The following CACNA1E variants were observed in gnomAD, a reference collection of about 807,000 sequenced individuals.
CACNA1E encodes the protein voltage-dependent R-type calcium channel subunit alpha-1E.
In CACNA1E, 40 loss-of-function variants were observed where a neutral mutation model predicts 259.2. The ratio of observed to expected loss-of-function variants is 0.15; its 90% CI spans 0.12 to 0.20. CACNA1E has a LOEUF of 0.20. Among genes scored for constraint, CACNA1E ranks in the 10% least tolerant of loss-of-function variants. CACNA1E has a pLI of 1.00. For missense variants in CACNA1E, 1,874 were observed against 3,040.1 expected (o/e 0.62, Z 9.02); for synonymous variants, 1,104 against 1,138.5 (o/e 0.97, Z 0.61).
Position 181,771,390 on chromosome 1 carries a change from T to C in CACNA1E, c.4973+6T>C. ...TCCCTAATGCTACTCTTCAGGTACC[T>C]GGATGCGTAACTGTCATAGCTGGGG... On this transcript the variant is annotated splice_donor_region_variant and intron_variant, in intron 36 of 47. Coordinates refer to ENST00000367573, the MANE Select transcript of CACNA1E (RefSeq NM_001205293.3). 2 of 1,511,624 alleles carry C rather than the reference T, an allele frequency of 1.3e-6. No homozygotes were observed. The highest frequency in any genetic ancestry group is 2.3e-5 in the East Asian group (1 of 43,982). The allele number at this position is 1,511,624 out of a possible 1,614,324, so 93.6% of individuals were successfully genotyped here.
At chr1:181,376,160 C>G (rs1323029637) in intron 1 of CACNA1E, among the ~76,000 whole-genome samples, 2 of 152,172 alleles carry the variant, frequency 1.3e-5, no homozygotes, top group East Asian at 3.8e-4. Flanking sequence ...AGGAAGAATT[C>G]ATGGTAGAAA....
At chr1:181,755,722 A>C (rs1166888929) in intron 28 of CACNA1E, among the ~76,000 whole-genome samples, 2 of 152,224 alleles carry the variant, frequency 1.3e-5, no homozygotes, top group African/African-American at 4.8e-5. Flanking sequence ...CAAGTTGCTC[A>C]AGGTTACACA....
At chr1:181,785,069 T>G (rs1194757004) in intron 41 of CACNA1E, among the ~76,000 whole-genome samples, 1 of 152,144 alleles carries the variant, frequency 6.6e-6, no homozygotes, top group Non-Finnish European at 1.5e-5. Context: ...TGCTTACTCA[T>G]GTACTGCTTA....
chr1:181,455,737 C>A (rs1419968572), intron 2 of CACNA1E, among the ~76,000 whole-genome samples: 1 of 152,134 alleles, frequency 6.6e-6, no homozygotes, highest in Admixed American at 6.5e-5. Context: ...TTTTTTCATC[C>A]TTGACCATAA....
intron 3 of CACNA1E, among the ~76,000 whole-genome samples, chr1:181,545,125 G>A (rs927681149): frequency 1.3e-5 from 2 of 152,160 alleles, no homozygotes; most frequent in African/African-American, 4.8e-5. Context: ...TGCTATGTTG[G>A]GGGTGTACAT....
chr1:181,526,249 A>C (rs1667348839), intron 3 of CACNA1E, among the ~76,000 whole-genome samples: 1 of 152,098 alleles, frequency 6.6e-6, no homozygotes, highest in South Asian at 2.1e-4. Flanking sequence ...TAGATGAGGA[A>C]ACCAGGGCTT....
intron 28 of CACNA1E, among the ~76,000 whole-genome samples, chr1:181,755,746 G>C (rs952133474): frequency 6.6e-6 from 1 of 152,206 alleles, no homozygotes; most frequent in Non-Finnish European, 1.5e-5. Context: ...AGTAGTGAAA[G>C]GGTTAGGATT....
At chr1:181,710,588 G>A (rs1163523894) in intron 7 of CACNA1E, among the ~76,000 whole-genome samples, 1 of 152,210 alleles carries the variant, frequency 6.6e-6, no homozygotes, top group African/African-American at 2.4e-5. Context: ...GTTATCAAAA[G>A]GAGAAAGAGT....
chr1:181,348,083 A>G (rs1246457478), intron 1 of CACNA1E, among the ~76,000 whole-genome samples: 2 of 151,840 alleles, frequency 1.3e-5, no homozygotes, highest in Non-Finnish European at 2.9e-5. Context: ...GAACATCCTG[A>G]CAACAGACTC....
intron 6 of CACNA1E, among the ~76,000 whole-genome samples, chr1:181,607,560 A>T (rs1157744270): frequency 3.3e-5 from 5 of 152,196 alleles, no homozygotes; most frequent in African/African-American, 9.7e-5. Flanking sequence ...GTTCCTGGCC[A>T]TGGCTCTTAT....
intron 35 of CACNA1E, among the ~76,000 whole-genome samples, chr1:181,769,086 C>A (rs986391780): frequency 5.3e-5 from 8 of 152,150 alleles, no homozygotes; most frequent in Non-Finnish European, 7.3e-5. Context: ...GGATTGTCAG[C>A]CTCAGCTCCT....
chr1:181,356,624 GTC>G (rs1309482197), intron 1 of CACNA1E, among the ~76,000 whole-genome samples: 2 of 152,196 alleles, frequency 1.3e-5, no homozygotes, highest in East Asian at 3.9e-4. Context: ...AGAGAGCCAG[GTC>G]TGCTCTGAAG....
chr1:181,722,546 G>A (rs2102489588), intron 16 of CACNA1E, among the ~76,000 whole-genome samples: 1 of 152,282 alleles, frequency 6.6e-6, no homozygotes, highest in Admixed American at 6.5e-5. Flanking sequence ...CAGCTGTGTG[G>A]CCTTGGGAAA....
At position 181,802,753 on chromosome 1, in the gene CACNA1E, A is replaced by C. The variant is rs1662370340; in HGVS notation, c.*3919A>C. On this transcript the variant is annotated 3_prime_UTR_variant, in exon 48 of 48. Transcript: ENST00000367573. ...GCAGGAAAATGAGGTCTCCTGGCAT[A>C]ATGCAACAAAAATCTCATATAATTT... The C allele has an allele frequency of 1.3e-5, 2 of 152,208 alleles. No homozygotes were observed. The allele number at this position is 152,208 out of a possible 1,614,324, so 9.4% of individuals were successfully genotyped here.
At chr1:181,422,180 T>C (rs1658797416) in intron 2 of CACNA1E, among the ~76,000 whole-genome samples, 1 of 152,196 alleles carries the variant, frequency 6.6e-6, no homozygotes, top group Non-Finnish European at 1.5e-5. Context: ...AATAGACACC[T>C]GGTCACTGTG....
chr1:181,712,232 G>A (rs1558294398), intron 8 of CACNA1E, among the ~76,000 whole-genome samples: 1 of 152,106 alleles, frequency 6.6e-6, no homozygotes, highest in Non-Finnish European at 1.5e-5. Flanking sequence ...AAAAGGGACG[G>A]GTTTGCTTTC....
intron 7 of CACNA1E, among the ~76,000 whole-genome samples, chr1:181,702,540 G>T (rs1652372805): frequency 6.6e-6 from 1 of 152,092 alleles, no homozygotes; most frequent in Admixed American, 6.5e-5. Context: ...TCTTTATAGG[G>T]TATCTATGGC....
chr1:181,368,277 A>ACT (rs112817523), intron 1 of CACNA1E, among the ~76,000 whole-genome samples: 31,811 of 149,774 alleles, frequency 0.21, 3,619 homozygotes, highest in African/African-American at 0.29. Flanking sequence ...AGAGAAAGAG[A>ACT]CTCTGTCTAA....
intron 3 of CACNA1E, among the ~76,000 whole-genome samples, chr1:181,539,565 C>T (rs142557003): frequency 4.2e-4 from 64 of 152,284 alleles, no homozygotes; most frequent in Non-Finnish European, 7.5e-4. Flanking sequence ...GGTCTGCTTA[C>T]CCCTTCTCTA....
Sources: gnomAD v4.1 joint callset for allele counts (sites outside exome capture counted in the v4.1 genomes callset) on GRCh38, gnomAD v4.1.1 for gene constraint, MANE v1.5 for transcripts, NCBI Gene and HGNC (gene_info 2026-07-23, HGNC 2026-07-21) for gene names.